The following MAPKAPK3 variants were observed in gnomAD, a reference collection of about 807,000 sequenced individuals.
MAPKAPK3 encodes the protein MAP kinase-activated protein kinase 3.
MAPKAPK3 carries 35 observed loss-of-function variants against 49.2 expected under a neutral mutation model. The ratio of observed to expected loss-of-function variants is 0.71; its 90% CI spans 0.54 to 0.94. MAPKAPK3 has a LOEUF of 0.94. MAPKAPK3 is among the 40% of genes least tolerant of loss of function. MAPKAPK3 has a pLI of 0.00. For missense variants in MAPKAPK3, 398 were observed against 493.1 expected, an observed-to-expected ratio of 0.81 and a Z score of 1.83; for synonymous variants, 178 against 188.7, an observed-to-expected ratio of 0.94 and a Z score of 0.46.
At chr3:50,639,037 C>G (rs901589946) in intron 2 of MAPKAPK3, among the ~76,000 whole-genome samples, 2 of 152,216 alleles carry the variant, frequency 1.3e-5, no homozygotes, top group Non-Finnish European at 2.9e-5. Flanking sequence ...TTCTTCTTCT[C>G]CCCCTACAGC....
At chr3:50,614,485 C>T (rs1399740913), upstream of MAPKAPK3, among the ~76,000 whole-genome samples, 1 of 148,382 alleles carries the variant, frequency 6.7e-6, no homozygotes, top group African/African-American at 2.5e-5. Flanking sequence ...AGCCTCCCCT[C>T]TCCAGTAAGG....
At position 50,647,919 on chromosome 3, in the gene MAPKAPK3, C is replaced by T; in HGVS notation, c.1022C>T (p.Thr341Ile). The T allele has an allele frequency of 6.2e-7, 1 of 1,613,862 alleles. No individual in the cohort carries two copies. Among genetic ancestry groups the T allele is most frequent in the South Asian group, 1.1e-5 (1 of 91,058 alleles). The change falls in exon 11 of 11, where the codon ACT (threonine) becomes ATT (isoleucine). Residue 341 changes from threonine to isoleucine, a missense_variant. Thr to Ile is a moderately conservative substitution (Grantham distance 89, BLOSUM62 -1). Around this residue, in one of 5 missense-constraint regions of MAPKAPK3, gnomAD observed 152 missense variants for 177.3 expected, o/e 0.86. Coordinates refer to ENST00000621469, the MANE Select transcript of MAPKAPK3 (RefSeq NM_001243925.2). ...GAGGAGATGACCAGTGCCTTGGCCA[C>T]TATGCGGGTAGACTACGACCAGGTG... ...VKEEMTSALA[T>I]MRVDYDQVKI...
intron 10 of MAPKAPK3, 65 bp downstream of exon 10, chr3:50,647,268 G>T (rs1173793894): frequency 2.9e-6 from 4 of 1,385,842 alleles, no homozygotes; most frequent in East Asian, 5.0e-5. Context: ...ACTTCAGGGG[G>T]GTGGCTACCC....
chr3:50,620,122 C>T (rs865958593), intron 2 of MAPKAPK3, among the ~76,000 whole-genome samples: 9 of 152,308 alleles, frequency 5.9e-5, no homozygotes, highest in Non-Finnish European at 8.8e-5. Context: ...CTAAGCACAA[C>T]CTCTGGTACA....
chr3:50,616,011 C>T (rs1242844615), upstream of MAPKAPK3, among the ~76,000 whole-genome samples: 3 of 152,134 alleles, frequency 2.0e-5, no homozygotes, highest in Non-Finnish European at 4.4e-5. Context: ...GGGAGGCGCT[C>T]ACTGGGCCTA....
intron 10 of MAPKAPK3, 39 bp from the exon 11 acceptor site, chr3:50,647,855 T>C (rs760031972): frequency 6.3e-7 from 1 of 1,591,942 alleles, no homozygotes; most frequent in Non-Finnish European, 8.5e-7. Context: ...GGTCAGTACA[T>C]CCTGACCTCT....
At chr3:50,615,099 C>T, upstream of MAPKAPK3, among the ~76,000 whole-genome samples, 1 of 152,210 alleles carries the variant, frequency 6.6e-6, no homozygotes, top group East Asian at 1.9e-4. Context: ...CCCTCAGCTG[C>T]CTAGCCTTCT....
intron 2 of MAPKAPK3, among the ~76,000 whole-genome samples, chr3:50,624,833 C>A (rs2032700258): frequency 6.6e-6 from 1 of 152,194 alleles, no homozygotes; most frequent in African/African-American, 2.4e-5. Context: ...GCATTCCAAG[C>A]ATACCTGTGC....
intron 2 of MAPKAPK3, among the ~76,000 whole-genome samples, chr3:50,632,531 T>C (rs916998724): frequency 1.3e-5 from 2 of 152,204 alleles, no homozygotes; most frequent in Non-Finnish European, 2.9e-5. Flanking sequence ...CAAGGGGTGG[T>C]GAGAGGAACT....
upstream of MAPKAPK3, among the ~76,000 whole-genome samples, chr3:50,613,632 G>T (rs2032394015): frequency 6.6e-6 from 1 of 152,106 alleles, no homozygotes; most frequent in Admixed American, 6.5e-5. Context: ...TTTGAACTTG[G>T]GTCTCTTATG....
chr3:50,616,800 G>A (rs915632946), upstream of MAPKAPK3, among the ~76,000 whole-genome samples: 1 of 152,112 alleles, frequency 6.6e-6, no homozygotes, highest in African/African-American at 2.4e-5. Context: ...CTGGCAGCGT[G>A]CAGAGCAAAC....
At chr3:50,635,531 C>T (rs531134140) in intron 2 of MAPKAPK3, among the ~76,000 whole-genome samples, 1 of 143,190 alleles carries the variant, frequency 7.0e-6, no homozygotes, top group Non-Finnish European at 1.5e-5. Flanking sequence ...GATTCTTCTG[C>T]CTCAGCCTCC....
At chr3:50,633,061 C>T (rs2032950916) in intron 2 of MAPKAPK3, among the ~76,000 whole-genome samples, 1 of 139,284 alleles carries the variant, frequency 7.2e-6, no homozygotes, top group South Asian at 2.5e-4. Flanking sequence ...TAGTTCTGGG[C>T]AACAAGAAAT....
chr3:50,628,428 A>C (rs766761124), intron 2 of MAPKAPK3, among the ~76,000 whole-genome samples: 15 of 152,210 alleles, frequency 9.9e-5, no homozygotes, highest in Non-Finnish European at 1.5e-4. Flanking sequence ...ACAACAAAAC[A>C]CTTGTGTTTG....
At chr3:50,612,382 CTG>C, upstream of MAPKAPK3, 1 of 152,176 alleles carries the variant, frequency 6.6e-6, no homozygotes, top group African/African-American at 2.4e-5. Context: ...CCCTAGGACT[CTG>C]TGTGTCGGGT....
At chr3:50,644,368 G>A in intron 5 of MAPKAPK3, 41 bp from the exon 6 acceptor site, 1 of 1,611,486 alleles carries the variant, frequency 6.2e-7, no homozygotes, top group Non-Finnish European at 8.5e-7. Context: ...GCTCCTGCCT[G>A]GTTCCTAACT....
At chr3:50,617,103 A>AGTGGGG (rs1553624968), upstream of MAPKAPK3, 2 of 6,656 alleles carry the variant, frequency 3.0e-4, no homozygotes, top group Non-Finnish European at 1.3e-3. Context: ...GGAGTGGGGG[A>AGTGGGG]GGGGGGGGTG....
chr3:50,647,210 G>T lies in MAPKAPK3; in HGVS notation c.996+7G>T. 1 of 1,578,128 alleles carries T rather than the reference G, an allele frequency of 6.3e-7. No homozygotes were observed. Among genetic ancestry groups the T allele is most frequent in the Non-Finnish European group, 8.6e-7 (1 of 1,161,482 alleles). On this transcript the variant is annotated splice_region_variant and intron_variant, in intron 10 of 10. Coordinates refer to ENST00000621469, the MANE Select transcript of MAPKAPK3 (RefSeq NM_001243925.2). ...CCACTGGGACGAAGTCAAGGTGGGT[G>T]GGCTCTGCCTCAGTCTCAATACAGG... is the stretch of plus-strand genomic sequence containing the variant.
chr3:50,647,572 GTTGCCCAGCGAGATGGCA>G (rs1559491609), intron 10 of MAPKAPK3, among the ~76,000 whole-genome samples: 1 of 152,284 alleles, frequency 6.6e-6, no homozygotes, highest in Non-Finnish European at 1.5e-5. Flanking sequence ...CAGTGCGCTG[GTTGCCCAGCGAGATGGCA>G]TTCTCTGCAG....
Sources: gnomAD v4.1 joint callset for allele counts (sites outside exome capture counted in the v4.1 genomes callset) on GRCh38, gnomAD v4.1.1 for gene constraint, gnomAD v4.1.1 regional missense constraint, MANE v1.5 for transcripts, NCBI Gene and HGNC (gene_info 2026-07-23, HGNC 2026-07-21) for gene names.